The following WBP2NL variants were observed in gnomAD, a reference collection of about 807,000 sequenced individuals.
WBP2NL encodes the protein postacrosomal sheath WW domain-binding protein.
A neutral mutation model predicts 23.3 loss-of-function variants in WBP2NL; 27 were observed. The ratio of observed to expected loss-of-function variants is 1.16; its 90% confidence interval spans 0.85 to 1.60. The LOEUF (loss-of-function observed/expected upper bound fraction) is 1.60, where lower values mean the gene tolerates loss of function less well. WBP2NL is among the 40% of genes most tolerant of loss of function. The probability of loss-of-function intolerance (pLI) is 0.00; values close to 1 mark genes in which losing one functional copy is unlikely to be tolerated. For synonymous variants in WBP2NL, 151 were observed against 145.9 expected, an observed-to-expected ratio of 1.03 and a Z score of -0.25; for missense variants, 370 against 389.5, an observed-to-expected ratio of 0.95 and a Z score of 0.42.
chr22:42,013,141 G>C (rs1922980215), intron 1 of WBP2NL, among the ~76,000 whole-genome samples: 1 of 152,136 alleles, frequency 6.6e-6, no homozygotes. Context: ...GGGAGCCCGA[G>C]GTGAGCAGAT....
chr22:42,052,369 A>AC (rs1262496633), intron 8 of WBP2NL, among the ~76,000 whole-genome samples: 1 of 151,932 alleles, frequency 6.6e-6, no homozygotes, highest in African/African-American at 2.4e-5. Context: ...TGCAACCTCC[A>AC]CCTGGTTCCA....
intron 1 of WBP2NL, among the ~76,000 whole-genome samples, chr22:42,018,757 G>A (rs1266314109): frequency 6.6e-6 from 1 of 151,954 alleles, no homozygotes; most frequent in African/African-American, 2.4e-5. Context: ...AATAGGAGTA[G>A]GTTTGACAAG....
At chr22:42,048,008 A>T (rs965748251) in intron 8 of WBP2NL, among the ~76,000 whole-genome samples, 1 of 152,240 alleles carries the variant, frequency 6.6e-6, no homozygotes, top group African/African-American at 2.4e-5. Flanking sequence ...AAAACAAAAT[A>T]TTAATAAACG....
rs149460730 is a variant in WBP2NL, at chr22:42,019,359, A to G, written c.111A>G (p.Ser37=). The part of the protein sequence containing the change: ...PNVELSFPQR[S]EGSNVFSGRK... ...TGGAGCTCTCCTTCCCACAGCGATC[A>G]GAAGGCTCAAATGTCTTTAGTGGTA... The change falls in exon 2 of 6, where the codon TCA becomes TCG. Residue 37 remains serine, a synonymous_variant. Transcript: ENST00000328823. 115 of 1,614,124 alleles carry G rather than the reference A, an allele frequency of 7.1e-5. 1 individual carries two copies. Among genetic ancestry groups the G allele is most frequent in the Non-Finnish European group, 1.9e-5 (22 of 1,180,050 alleles).
At chr22:42,001,812 T>A in intron 1 of WBP2NL, 1 of 1,258,548 alleles carries the variant, frequency 7.9e-7, no homozygotes, top group Non-Finnish European at 1.1e-6. Flanking sequence ...TCTAATGCCC[T>A]TGTATTGCTT....
At chr22:42,031,184 A>G (rs993660992), downstream of WBP2NL, 2 of 152,240 alleles carry the variant, frequency 1.3e-5, no homozygotes, top group African/African-American at 2.4e-5. Context: ...TGGCACACCT[A>G]CTGTTAGTTA....
intron 1 of WBP2NL, among the ~76,000 whole-genome samples, chr22:41,999,238 C>T (rs133303): frequency 6.6e-6 from 1 of 152,074 alleles, no homozygotes; most frequent in East Asian, 1.9e-4. Flanking sequence ...AGCCGGGGGC[C>T]TTCGGTGGCA....
intron 5 of WBP2NL, among the ~76,000 whole-genome samples, chr22:42,025,338 T>C (rs1775573501): frequency 6.6e-6 from 1 of 152,248 alleles, no homozygotes; most frequent in African/African-American, 2.4e-5. Context: ...TCAAATGTTA[T>C]GAGATTTTTA....
chr22:42,018,338 GAA>G (rs1252660325), intron 1 of WBP2NL, among the ~76,000 whole-genome samples: 5 of 132,464 alleles, frequency 3.8e-5, no homozygotes, highest in Admixed American at 7.8e-5. Flanking sequence ...AAAGACAGAA[GAA>G]AGAGAGAGAG....
intron 8 of WBP2NL, among the ~76,000 whole-genome samples, chr22:42,049,700 CAAAACAAAAAAAAAAAAAA>C (rs1251654162): frequency 1.4e-4 from 5 of 36,492 alleles, no homozygotes; most frequent in East Asian, 1.8e-3. Flanking sequence ...CAAAACAAAA[CAAAACAAAAAAAAAAAAAA>C]AAAAAAAAAA....
intron 8 of WBP2NL, among the ~76,000 whole-genome samples, chr22:42,044,115 AAG>A (rs1925496582): frequency 1.3e-5 from 2 of 152,180 alleles, no homozygotes; most frequent in African/African-American, 4.8e-5. Flanking sequence ...CGGTTTGGAG[AAG>A]AGTTACCCAA....
chr22:42,017,284 T>TC (rs1923391505), intron 1 of WBP2NL, among the ~76,000 whole-genome samples: 2 of 152,112 alleles, frequency 1.3e-5, no homozygotes, highest in Non-Finnish European at 2.9e-5. Context: ...CCTGGATACT[T>TC]TTTGTATTTT....
intron 1 of WBP2NL, among the ~76,000 whole-genome samples, chr22:42,018,727 A>G (rs1055049272): frequency 6.6e-6 from 1 of 152,138 alleles, no homozygotes; most frequent in Non-Finnish European, 1.5e-5. Context: ...AAGTATAAGA[A>G]TTAATGAACA....
chr22:42,046,859 G>T (rs1271195137), intron 8 of WBP2NL, among the ~76,000 whole-genome samples: 2 of 152,096 alleles, frequency 1.3e-5, no homozygotes, highest in African/African-American at 4.8e-5. Flanking sequence ...ACAAACATAC[G>T]TGCTACCCAG....
intron 8 of WBP2NL, among the ~76,000 whole-genome samples, chr22:42,049,976 C>T (rs1158934945): frequency 1.2e-5 from 1 of 84,408 alleles, no homozygotes; most frequent in Non-Finnish European, 2.4e-5. Context: ...GACTCCGTCT[C>T]AAAAAAAAAA....
In WBP2NL at chr22:42,019,369, A is replaced by G. The variant is rs779922718; in HGVS notation, c.121A>G (p.Asn41Asp). The G allele has an allele frequency of 3.7e-6, 6 of 1,614,098 alleles. No homozygotes were observed. The highest frequency in any genetic ancestry group is 5.1e-6 in the Non-Finnish European group (6 of 1,180,050). Residue 41 changes from asparagine (N) to aspartate (D), a missense_variant, in exon 2 of 6, where the codon AAT becomes GAT. Physicochemically the swap from Asn to Asp is conservative, Grantham distance 23 (BLOSUM62 1). Coordinates refer to ENST00000328823, the MANE Select transcript of WBP2NL (RefSeq NM_152613.3). ...LSFPQRSEGS[N>D]VFSGRKTGTL... is the part of the protein sequence containing the mutation. ...CTTCCCACAGCGATCAGAAGGCTCA[A>G]ATGTCTTTAGTGGTAGAAAGACAGG...
At chr22:42,049,309 A>G (rs1327169702) in intron 8 of WBP2NL, among the ~76,000 whole-genome samples, 2 of 152,208 alleles carry the variant, frequency 1.3e-5, no homozygotes, top group Non-Finnish European at 2.9e-5. Flanking sequence ...AAAAGAAAAA[A>G]AAATCTAGAC....
At chr22:42,031,414 C>T (rs1924936136), downstream of WBP2NL, 3 of 152,240 alleles carry the variant, frequency 2.0e-5, no homozygotes, top group South Asian at 4.1e-4. Flanking sequence ...CTGACTCACT[C>T]ACTGTGCTGG....
chr22:41,998,931 A>G (rs544318555), intron 1 of WBP2NL, 51 bp downstream of exon 1: 2 of 1,560,868 alleles, frequency 1.3e-6, no homozygotes, highest in African/African-American at 2.7e-5. Context: ...GACGAATGAG[A>G]TAGACATGGC....
Sources: allele counts gnomAD v4.1 joint callset (sites outside exome capture counted in the v4.1 genomes callset), GRCh38; gene constraint gnomAD v4.1.1; transcripts MANE v1.5; gene names NCBI Gene and HGNC (gene_info 2026-07-23, HGNC 2026-07-21).